The following GRIK2 variants were observed in gnomAD, a reference collection of about 807,000 sequenced individuals.
GRIK2 encodes glutamate ionotropic receptor kainate type subunit 2.
In GRIK2, 32 loss-of-function variants were observed where a neutral mutation model predicts 100.3. That is an observed-to-expected ratio of 0.32 (90% CI 0.24 to 0.43). GRIK2 has a LOEUF of 0.43. Among genes scored for constraint, GRIK2 ranks in the 20% least tolerant of loss-of-function variants. The probability of loss-of-function intolerance (pLI) is 1.00; values close to 1 mark genes in which losing one functional copy is unlikely to be tolerated. For synonymous variants in GRIK2, 417 were observed against 389.4 expected (o/e 1.07, Z -0.83); for missense variants, 843 against 1,114.9 (o/e 0.76, Z 3.47).
intron 10 of GRIK2, among the ~76,000 whole-genome samples, chr6:101,828,809 A>T (rs1782496169): frequency 6.6e-6 from 1 of 151,994 alleles, no homozygotes; most frequent in Non-Finnish European, 1.5e-5. Flanking sequence ...GACCAGATGG[A>T]CTCACAACTG....
At chr6:101,681,559 C>T (rs1411869098) in intron 5 of GRIK2, among the ~76,000 whole-genome samples, 2 of 151,920 alleles carry the variant, frequency 1.3e-5, no homozygotes, top group African/African-American at 4.8e-5. Context: ...ATGTTACAAA[C>T]AATCCATTTA....
chr6:102,012,419 T>A lies in GRIK2; in HGVS notation c.2086-22922T>A, dbSNP rs554445185. Among the ~76,000 whole-genome samples the A allele has an allele frequency of 5.9e-5, 9 of 152,262 alleles. No homozygotes were observed. In the East Asian group the frequency reaches 1.7e-3, roughly 29 times the overall value. ...GATTTTGGTTAGAATTGTGTTGACT[T>A]TATAGATAAAGTTGAAAAAAACTGA... On this transcript the variant is annotated intron_variant, in intron 14 of 16. Coordinates refer to ENST00000369134, the MANE Select transcript of GRIK2 (RefSeq NM_021956.5).
Position 101,609,006 on chromosome 6 carries a change from T to A in GRIK2, c.116-12943T>A, listed in dbSNP as rs1171253333. 2.6e-4 allele frequency among the ~76,000 whole-genome samples: 39 copies of A among 151,890 alleles called. No individual in the cohort carries two copies. The Admixed American group carries it at 2.6e-3, about 10-fold the overall frequency. On this transcript the variant is annotated intron_variant, in intron 2 of 16. Coordinates refer to ENST00000369134, the MANE Select transcript of GRIK2 (RefSeq NM_021956.5). ...ACCACTGTATTTTTTTCTGGTCTAC[T>A]TTCACTCTGGATTAACTAGCAGGTT... is the stretch of plus-strand genomic sequence containing the variant.
intron 14 of GRIK2, among the ~76,000 whole-genome samples, chr6:101,944,795 A>G (rs1791175067): frequency 6.6e-6 from 1 of 152,108 alleles, no homozygotes; most frequent in Non-Finnish European, 1.5e-5. Context: ...GAGTCAATAT[A>G]CAGATTTTAG....
intron 7 of GRIK2, among the ~76,000 whole-genome samples, chr6:101,722,488 T>A (rs1774554714): frequency 6.6e-6 from 1 of 152,068 alleles, no homozygotes; most frequent in Non-Finnish European, 1.5e-5. Flanking sequence ...ATTGAGGTTG[T>A]TTGTATAAAT....
At chr6:101,596,409 A>C (rs1245767770) in intron 2 of GRIK2, among the ~76,000 whole-genome samples, 1 of 151,600 alleles carries the variant, frequency 6.6e-6, no homozygotes, top group Non-Finnish European at 1.5e-5. Flanking sequence ...AGGGTCTAGC[A>C]TTCTAGGTCA....
chr6:101,549,218 A>G (rs1025172702), intron 2 of GRIK2, among the ~76,000 whole-genome samples: 1 of 151,454 alleles, frequency 6.6e-6, no homozygotes, highest in Non-Finnish European at 1.5e-5. Flanking sequence ...TCTGTGTGGG[A>G]TATCACATAA....
intron 2 of GRIK2, among the ~76,000 whole-genome samples, chr6:101,611,748 G>A (rs1184372563): frequency 1.3e-5 from 2 of 151,672 alleles, no homozygotes; most frequent in Non-Finnish European, 2.9e-5. Flanking sequence ...AGTACATTAC[G>A]CTATATACTT....
At chr6:101,584,845 A>AT (rs74770816) in intron 2 of GRIK2, among the ~76,000 whole-genome samples, 152,046 of 152,052 alleles carry the variant, frequency 1, 76,020 homozygotes, top group Middle Eastern at 1. Context: ...CACATCAAAA[A>AT]TGCAAAAATG....
chr6:101,396,163 C>T (rs1418605106), intron 1 of GRIK2, among the ~76,000 whole-genome samples: 1 of 151,466 alleles, frequency 6.6e-6, no homozygotes, highest in Non-Finnish European at 1.5e-5. Flanking sequence ...CTTGTAATAA[C>T]TTCAAAATTG....
chr6:102,060,739 A>C (rs1771705660), intron 16 of GRIK2, among the ~76,000 whole-genome samples: 1 of 150,870 alleles, frequency 6.6e-6, no homozygotes, highest in East Asian at 1.9e-4. Context: ...AAGAAATTTT[A>C]GCTGAACTTA....
intron 6 of GRIK2, among the ~76,000 whole-genome samples, chr6:101,684,560 A>T (rs1237545386): frequency 6.6e-6 from 1 of 152,090 alleles, no homozygotes; most frequent in African/African-American, 2.4e-5. Context: ...TGTAGGGGAG[A>T]AAAGATTTCT....
chr6:101,714,196 T>C (rs555274699), intron 7 of GRIK2, among the ~76,000 whole-genome samples: 2 of 151,850 alleles, frequency 1.3e-5, no homozygotes, highest in East Asian at 3.9e-4. Context: ...AAAGTTCTTT[T>C]TTTTGTCAGG....
At chr6:101,629,466 C>G (rs1359517947) in intron 4 of GRIK2, among the ~76,000 whole-genome samples, 1 of 151,992 alleles carries the variant, frequency 6.6e-6, no homozygotes, top group Admixed American at 6.6e-5. Flanking sequence ...AAAGGCCCAG[C>G]CCTTGTTGAG....
At chr6:101,711,904 A>C (rs1293336742) in intron 7 of GRIK2, among the ~76,000 whole-genome samples, 1 of 151,792 alleles carries the variant, frequency 6.6e-6, no homozygotes, top group Non-Finnish European at 1.5e-5. Context: ...ATTATACGTG[A>C]CATTTAGAAA....
intron 14 of GRIK2, among the ~76,000 whole-genome samples, chr6:101,997,233 G>T (rs368958918): frequency 6.6e-6 from 1 of 151,860 alleles, no homozygotes; most frequent in African/African-American, 2.4e-5. Flanking sequence ...ATTAGTCTAT[G>T]CAAGGTCTTT....
intron 2 of GRIK2, among the ~76,000 whole-genome samples, chr6:101,535,439 G>A (rs1201911354): frequency 1.3e-5 from 2 of 151,646 alleles, no homozygotes; most frequent in Non-Finnish European, 3.0e-5. Context: ...ATAACTTTTT[G>A]TTTTCAATGT....
intron 7 of GRIK2, among the ~76,000 whole-genome samples, chr6:101,767,746 T>C (rs1229290473): frequency 2.0e-5 from 3 of 152,196 alleles, no homozygotes; most frequent in African/African-American, 7.2e-5. Context: ...TTACTAGATA[T>C]AATTCTGTAC....
chr6:102,018,750 A>G (rs2114352624), intron 14 of GRIK2, among the ~76,000 whole-genome samples: 1 of 152,172 alleles, frequency 6.6e-6, no homozygotes, highest in Non-Finnish European at 1.5e-5. Context: ...CAATTTGTTT[A>G]CCTTTTTACT....
Sources: gnomAD v4.1 joint callset for allele counts (sites outside exome capture counted in the v4.1 genomes callset) on GRCh38, gnomAD v4.1.1 for gene constraint, MANE v1.5 for transcripts, NCBI Gene and HGNC (gene_info 2026-07-23, HGNC 2026-07-21) for gene names.